Variants in NOS1AP observed in about 807,000 individuals in gnomAD.
NOS1AP encodes nitric oxide synthase 1 adaptor protein.
NOS1AP carries 21 observed loss-of-function variants against 56.2 expected under a neutral mutation model. The ratio of observed to expected loss-of-function variants is 0.37; its 90% confidence interval spans 0.26 to 0.54. NOS1AP has a LOEUF of 0.54. NOS1AP is among the 20% of genes least tolerant of loss of function. The pLI, the probability that NOS1AP is intolerant of heterozygous loss-of-function variation, is 0.84. For synonymous variants in NOS1AP, 270 were observed against 274.6 expected, an observed-to-expected ratio of 0.98 and a Z score of 0.17; for missense variants, 522 against 657.8, an observed-to-expected ratio of 0.79 and a Z score of 2.26.
chr1:162,322,577 A>C (rs1656457632), intron 4 of NOS1AP, among the ~76,000 whole-genome samples: 1 of 152,176 alleles, frequency 6.6e-6, no homozygotes, highest in South Asian at 2.1e-4. Context: ...GAAAAACAAG[A>C]TGTGCTTATG....
At chr1:162,268,766 A>C (rs1357818320) in intron 2 of NOS1AP, among the ~76,000 whole-genome samples, 1 of 152,194 alleles carries the variant, frequency 6.6e-6, no homozygotes, top group Non-Finnish European at 1.5e-5. Context: ...ATATATTCAA[A>C]CTAAAAAAGA....
intron 2 of NOS1AP, among the ~76,000 whole-genome samples, chr1:162,180,338 G>A (rs911528685): frequency 2.6e-5 from 4 of 152,058 alleles, no homozygotes; most frequent in Non-Finnish European, 4.4e-5. Context: ...TCCGCCTCCC[G>A]GGTTCACGCC....
At chr1:162,259,795 T>A (rs1334501493) in intron 2 of NOS1AP, among the ~76,000 whole-genome samples, 1 of 152,214 alleles carries the variant, frequency 6.6e-6, no homozygotes, top group Non-Finnish European at 1.5e-5. Flanking sequence ...TTAATCTGGC[T>A]TACATAAGGT....
intron 2 of NOS1AP, among the ~76,000 whole-genome samples, chr1:162,232,246 C>T (rs16858838): frequency 0.041 from 6,249 of 152,172 alleles, 269 homozygotes; most frequent in African/African-American, 0.1. Flanking sequence ...TGGGAGTCCT[C>T]GAGGTGGCAG....
At chr1:162,161,108 T>G (rs1650193385) in intron 2 of NOS1AP, among the ~76,000 whole-genome samples, 1 of 152,220 alleles carries the variant, frequency 6.6e-6, no homozygotes, top group African/African-American at 2.4e-5. Flanking sequence ...CCATCGCCTT[T>G]GGTTATAAGG....
intron 8 of NOS1AP, among the ~76,000 whole-genome samples, chr1:162,359,985 C>T (rs911810214): frequency 6.6e-6 from 1 of 152,070 alleles, no homozygotes; most frequent in African/African-American, 2.4e-5. Flanking sequence ...CCCTTGATGT[C>T]ACTTGTTGCA....
In NOS1AP at chr1:162,081,774, A is replaced by ATATATATTTTTTTTTTTTTTTTTTTTT; in HGVS notation, c.105+11493_105+11494insATATATTTTTTTTTTTTTTTTTTTTTT. On this transcript the variant is annotated intron_variant, in intron 1 of 9. Transcript: ENST00000361897. ...TCTATAGATATATATATATATATAT[A>ATATATATTTTTTTTTTTTTTTTTTTTT]TTTTTTTTTTGTAGAGATGGGTTTT... 2.5e-4 allele frequency among the ~76,000 whole-genome samples: 11 copies of ATATATATTTTTTTTTTTTTTTTTTTTT among 44,054 alleles called. 1 individual carries two copies. The highest frequency in any genetic ancestry group is 9.5e-4 in the Admixed American group (3 of 3,158). 28.9% of individuals were successfully genotyped at this position (44,054 alleles called of 152,430 possible).
chr1:162,118,440 C>CT (rs555523234), intron 1 of NOS1AP, among the ~76,000 whole-genome samples: 3,849 of 152,312 alleles, frequency 0.025, 78 homozygotes, highest in Non-Finnish European at 0.04. Flanking sequence ...TGATTTCATT[C>CT]TTTTTTGTGG....
intron 2 of NOS1AP, among the ~76,000 whole-genome samples, chr1:162,173,600 G>A (rs566125564): frequency 5.9e-5 from 9 of 152,148 alleles, no homozygotes; most frequent in East Asian, 1.9e-4. Flanking sequence ...GCTTCTGCAC[G>A]CAAAAGAAAC....
chr1:162,099,279 G>C lies in NOS1AP; in HGVS notation c.105+28997G>C, dbSNP rs555963366. On this transcript the variant is annotated intron_variant, in intron 1 of 9. Transcript: ENST00000361897. ...CTCGGCTCACTGCAAGCTCCGCCTC[G>C]CGGGTTCACGCCATTCTCCTGCCTC... 4.6e-5 allele frequency among the ~76,000 whole-genome samples: 7 copies of C among 150,680 alleles called. No homozygotes were observed. In the East Asian group the frequency reaches 1.4e-3, roughly 29 times the overall value.
chr1:162,104,582 T>C (rs1232415059), intron 1 of NOS1AP, among the ~76,000 whole-genome samples: 2 of 152,194 alleles, frequency 1.3e-5, no homozygotes, highest in Non-Finnish European at 2.9e-5. Flanking sequence ...CATAATCCTA[T>C]ATTTCTCGGA....
At chr1:162,278,588 T>C (rs1654818133) in intron 2 of NOS1AP, among the ~76,000 whole-genome samples, 1 of 152,034 alleles carries the variant, frequency 6.6e-6, no homozygotes, top group Non-Finnish European at 1.5e-5. Flanking sequence ...TCATACCCAC[T>C]TTTGGTCTGA....
At chr1:162,149,435 A>T (rs1346356737) in intron 1 of NOS1AP, among the ~76,000 whole-genome samples, 1 of 152,218 alleles carries the variant, frequency 6.6e-6, no homozygotes, top group Non-Finnish European at 1.5e-5. Flanking sequence ...CTGGTCTTAG[A>T]TGGTGTCTTA....
intron 1 of NOS1AP, among the ~76,000 whole-genome samples, chr1:162,127,240 G>A (rs1418661411): frequency 6.6e-6 from 1 of 151,844 alleles, no homozygotes; most frequent in Non-Finnish European, 1.5e-5. Flanking sequence ...CTTACTTATG[G>A]TATTTCTCTA....
At chr1:162,351,586 C>A (rs1490837905) in intron 6 of NOS1AP, among the ~76,000 whole-genome samples, 1 of 152,206 alleles carries the variant, frequency 6.6e-6, no homozygotes, top group African/African-American at 2.4e-5. Context: ...GAACTTTGAG[C>A]AACTGGTTAT....
At chr1:162,311,301 CTT>C (rs1006049098) in intron 4 of NOS1AP, among the ~76,000 whole-genome samples, 6 of 152,180 alleles carry the variant, frequency 3.9e-5, no homozygotes, top group Admixed American at 2.0e-4. Flanking sequence ...GCCTCCTTCT[CTT>C]TTGTTTGCTT....
chr1:162,113,249 A>C (rs1347128517), intron 1 of NOS1AP, among the ~76,000 whole-genome samples: 1 of 152,172 alleles, frequency 6.6e-6, no homozygotes, highest in African/African-American at 2.4e-5. Context: ...GTTGGTTCCC[A>C]TAGTAAGCAC....
chr1:162,311,581 CT>C (rs1200721394), intron 4 of NOS1AP, among the ~76,000 whole-genome samples: 81 of 146,604 alleles, frequency 5.5e-4, no homozygotes, highest in African/African-American at 1.2e-3. Context: ...CCTTTGTTTT[CT>C]TTTTTTTTTT....
At chr1:162,122,449 T>G (rs1417120513) in intron 1 of NOS1AP, among the ~76,000 whole-genome samples, 1 of 152,012 alleles carries the variant, frequency 6.6e-6, no homozygotes, top group Non-Finnish European at 1.5e-5. Flanking sequence ...CATAAGAACT[T>G]TTTATTATGA....
Sources: gnomAD v4.1 joint callset for allele counts (sites outside exome capture counted in the v4.1 genomes callset) on GRCh38, gnomAD v4.1.1 for gene constraint, MANE v1.5 for transcripts, NCBI Gene and HGNC (gene_info 2026-07-23, HGNC 2026-07-21) for gene names.